GRIN2A: variants seen among roughly 807,000 people sequenced by gnomAD.
GRIN2A encodes glutamate receptor ionotropic, NMDA 2A.
Under a neutral mutation model 113.4 loss-of-function variants are expected in GRIN2A, and 22 were observed. The ratio of observed to expected loss-of-function variants is 0.19; its 90% CI spans 0.14 to 0.28. The LOEUF (loss-of-function observed/expected upper bound fraction) is 0.28, where lower values mean the gene tolerates loss of function less well. Ranked by LOEUF, GRIN2A falls within the 10% of genes least tolerant of loss-of-function variation. The probability of loss-of-function intolerance (pLI) is 1.00; values close to 1 mark genes in which losing one functional copy is unlikely to be tolerated. For synonymous variants in GRIN2A, 827 were observed against 738.4 expected (o/e 1.12, Z -1.94); for missense variants, 1,502 against 1,887.0 (o/e 0.80, Z 3.78).
intron 2 of GRIN2A, among the ~76,000 whole-genome samples, chr16:10,072,311 GT>G (rs1192513097): frequency 1.4e-4 from 22 of 152,344 alleles, no homozygotes; most frequent in Non-Finnish European, 2.9e-4. Context: ...GTTGAAATGT[GT>G]TTATAAGAGT....
intron 2 of GRIN2A, among the ~76,000 whole-genome samples, chr16:9,970,287 G>A (rs187813442): frequency 9.9e-5 from 15 of 152,232 alleles, no homozygotes; most frequent in African/African-American, 3.4e-4. Flanking sequence ...AGTCTTTAAT[G>A]TACAATCCTT....
chr16:10,141,934 T>C (rs2049334353), intron 2 of GRIN2A, among the ~76,000 whole-genome samples: 1 of 152,214 alleles, frequency 6.6e-6, no homozygotes. Flanking sequence ...CAGCACTATG[T>C]CTAACCTGGT....
intron 2 of GRIN2A, among the ~76,000 whole-genome samples, chr16:10,130,455 C>T (rs766328925): frequency 8.5e-5 from 13 of 152,220 alleles, no homozygotes; most frequent in Non-Finnish European, 1.3e-4. Context: ...ATTCACCGAA[C>T]ATCCCCTGAG....
intron 2 of GRIN2A, among the ~76,000 whole-genome samples, chr16:9,984,864 C>G (rs2045952192): frequency 6.6e-6 from 1 of 152,120 alleles, no homozygotes; most frequent in Non-Finnish European, 1.5e-5. Flanking sequence ...GTTAGTTTGT[C>G]TGTTTTTTGA....
In GRIN2A at chr16:9,761,014, T is replaced by G; in HGVS notation, c.*2135A>C. 1 of 232,612 alleles carries G rather than the reference T, an allele frequency of 4.3e-6. No homozygotes were observed. Among genetic ancestry groups the G allele is most frequent in the Non-Finnish European group, 8.5e-6 (1 of 117,712 alleles). 14.4% of individuals were successfully genotyped at this position (232,612 alleles called of 1,614,324 possible). Reference sequence around the variant, plus strand: ...GTCTTGGGGCAGCAGAGGTACAGCATCCGGGAAATAAAATGTCATTTTCAA... The same window carrying G: ...GTCTTGGGGCAGCAGAGGTACAGCAGCCGGGAAATAAAATGTCATTTTCAA... On this transcript the variant is annotated 3_prime_UTR_variant, in exon 13 of 13. Coordinates refer to ENST00000330684, the MANE Select transcript of GRIN2A (RefSeq NM_001134407.3).
chr16:10,063,562 A>G (rs59264337), intron 2 of GRIN2A, among the ~76,000 whole-genome samples: 5,210 of 152,258 alleles, frequency 0.034, 317 homozygotes, highest in African/African-American at 0.12. Flanking sequence ...TAAGCCATTG[A>G]TAATCTGGAT....
At chr16:10,129,813 A>C (rs1263969128) in intron 2 of GRIN2A, among the ~76,000 whole-genome samples, 2 of 152,342 alleles carry the variant, frequency 1.3e-5, no homozygotes, top group Non-Finnish European at 2.9e-5. Flanking sequence ...GTTCTTACTC[A>C]CTCGACCAGC....
intron 2 of GRIN2A, among the ~76,000 whole-genome samples, chr16:9,946,102 C>G (rs2045011884): frequency 6.6e-6 from 1 of 152,162 alleles, no homozygotes; most frequent in African/African-American, 2.4e-5. Flanking sequence ...CTCTTGAACT[C>G]AGCCCTGCTT....
Position 10,067,110 on chromosome 16 carries a change from C to A in GRIN2A, c.414+112888G>T, listed in dbSNP as rs1374003128. Reference sequence around the variant, plus strand: ...ACATTTTTTCTCTAGCAAATTCCCTCTTTTTTGCTGTTTCTTTCTCCTCTT... The same window carrying A: ...ACATTTTTTCTCTAGCAAATTCCCTATTTTTTGCTGTTTCTTTCTCCTCTT... On this transcript the variant is annotated intron_variant, in intron 2 of 12. Transcript: ENST00000330684. 2.0e-5 allele frequency among the ~76,000 whole-genome samples: 3 copies of A among 152,198 alleles called. No homozygotes were observed. The East Asian group carries it at 5.8e-4, about 29-fold the overall frequency.
At chr16:10,094,361 T>C (rs2048243478) in intron 2 of GRIN2A, among the ~76,000 whole-genome samples, 1 of 152,210 alleles carries the variant, frequency 6.6e-6, no homozygotes, top group Admixed American at 6.5e-5. Flanking sequence ...TAATAACAGC[T>C]TCTTCATCTA....
intron 2 of GRIN2A, among the ~76,000 whole-genome samples, chr16:10,088,409 G>A (rs115143240): frequency 6.6e-6 from 1 of 152,172 alleles, no homozygotes; most frequent in Non-Finnish European, 1.5e-5. Flanking sequence ...CATGGAAGGA[G>A]AGTGCTGGCC....
At chr16:9,792,103 G>GTC (rs1476508034) in intron 11 of GRIN2A, among the ~76,000 whole-genome samples, 2 of 145,702 alleles carry the variant, frequency 1.4e-5, no homozygotes, top group African/African-American at 5.3e-5. Flanking sequence ...GTGTGTGTGT[G>GTC]TGTGTATCTT....
At chr16:10,034,093 C>T (rs992331363) in intron 2 of GRIN2A, among the ~76,000 whole-genome samples, 4 of 152,150 alleles carry the variant, frequency 2.6e-5, no homozygotes, top group South Asian at 2.1e-4. Context: ...TGATGCCAGG[C>T]GGCCGTGAGA....
intron 10 of GRIN2A, among the ~76,000 whole-genome samples, chr16:9,805,148 G>C (rs2041941802): frequency 6.6e-6 from 1 of 152,068 alleles, no homozygotes; most frequent in Non-Finnish European, 1.5e-5. Flanking sequence ...CCCTACCCTG[G>C]GGAGGACTAT....
intron 2 of GRIN2A, among the ~76,000 whole-genome samples, chr16:10,014,084 G>A (rs12103235): frequency 6.6e-6 from 1 of 152,236 alleles, no homozygotes; most frequent in African/African-American, 2.4e-5. Context: ...AGCTCTGTGA[G>A]AGCAGAGTGC....
intron 3 of GRIN2A, among the ~76,000 whole-genome samples, chr16:9,919,007 T>C (rs2044308905): frequency 6.6e-6 from 1 of 151,956 alleles, no homozygotes; most frequent in South Asian, 2.1e-4. Context: ...ACCTGGTCTC[T>C]ACTAAAAATA....
intron 2 of GRIN2A, among the ~76,000 whole-genome samples, chr16:10,020,631 G>A (rs921615516): frequency 5.3e-5 from 8 of 152,084 alleles, no homozygotes; most frequent in South Asian, 2.1e-4. Flanking sequence ...CTAGCTATAC[G>A]ATACAAGGTT....
At chr16:9,879,224 C>T (rs1275208676) in intron 4 of GRIN2A, among the ~76,000 whole-genome samples, 2 of 151,856 alleles carry the variant, frequency 1.3e-5, no homozygotes, top group African/African-American at 4.8e-5. Flanking sequence ...GTTGATATTA[C>T]CAAACCCATT....
chr16:9,828,892 A>T (rs144757141), intron 9 of GRIN2A, among the ~76,000 whole-genome samples: 102 of 152,324 alleles, frequency 6.7e-4, no homozygotes, highest in African/African-American at 2.2e-3. Flanking sequence ...TGCCTTGAAG[A>T]CATTTCAGGT....
Sources: gnomAD v4.1 joint callset for allele counts (sites outside exome capture counted in the v4.1 genomes callset) on GRCh38, gnomAD v4.1.1 for gene constraint, MANE v1.5 for transcripts, NCBI Gene and HGNC (gene_info 2026-07-23, HGNC 2026-07-21) for gene names.